The following CIT variants were observed in gnomAD, a reference collection of about 807,000 sequenced individuals.
CIT encodes citron rho-interacting serine/threonine kinase.
CIT carries 79 observed loss-of-function variants against 272.7 expected under a neutral mutation model. The observed-to-expected ratio is 0.29, with a 90% CI of 0.24 to 0.35. The LOEUF (loss-of-function observed/expected upper bound fraction) is 0.35. Among genes scored for constraint, CIT ranks in the 10% least tolerant of loss-of-function variants. The probability of loss-of-function intolerance (pLI) is 1.00; values close to 1 mark genes in which losing one functional copy is unlikely to be tolerated. For synonymous variants in CIT, 948 were observed against 995.6 expected (o/e 0.95, Z 0.90); for missense variants, 1,909 against 2,618.3 (o/e 0.73, Z 5.91).
rs1391231312 is a variant in CIT, at chr12:119,701,651, G to A, written c.5515C>T (p.Arg1839Ter). Residue 1839 changes from arginine to a stop codon, truncating the protein, a stop_gained, in exon 43 of 48, where the codon CGA becomes TGA. Transcript: ENST00000392521. LOFTEE classifies it high-confidence loss of function. The part of the protein sequence containing the change: ...SIVQVNSAGQ[R>*]EEYLLCFHEF... ...TGGAAACACAGCAAGTACTCCTCTC[G>A]CTGCCCTGCGCTGTTCACCTGCACG... is the stretch of plus-strand genomic sequence containing the variant. 2 of 1,614,142 alleles carry A rather than the reference G, an allele frequency of 1.2e-6. No homozygotes were observed.
intron 2 of CIT, among the ~76,000 whole-genome samples, chr12:119,874,812 G>A (rs1044141927): frequency 4.0e-5 from 6 of 151,486 alleles, no homozygotes; most frequent in Admixed American, 1.3e-4. Context: ...CGTGAACCCC[G>A]GGGGGCAGAG....
chr12:119,811,426 T>C (rs918109578), intron 9 of CIT, among the ~76,000 whole-genome samples: 3 of 152,234 alleles, frequency 2.0e-5, no homozygotes, highest in African/African-American at 7.2e-5. Context: ...TACTTCAGGG[T>C]AACATTGATT....
rs186859361 is a variant in CIT at position 119,827,562 on chromosome 12, C to G, written c.754-2194G>C. Among the ~76,000 whole-genome samples the G allele has an allele frequency of 4.6e-5, 7 of 152,076 alleles. No homozygotes were observed. In the East Asian group the frequency reaches 1.2e-3, roughly 25 times the overall value. Reference sequence around the variant, plus strand: ...AAGCAATTCTCTTGCCTCAGCCTCTCGAGTAACTGCGACTACAGGTGCATG... The same window carrying G: ...AAGCAATTCTCTTGCCTCAGCCTCTGGAGTAACTGCGACTACAGGTGCATG... On this transcript the variant is annotated intron_variant, in intron 7 of 47. Coordinates refer to ENST00000392521, the MANE Select transcript of CIT (RefSeq NM_001206999.2).
At chr12:119,795,528 A>G (rs951682789) in intron 10 of CIT, among the ~76,000 whole-genome samples, 9 of 152,238 alleles carry the variant, frequency 5.9e-5, no homozygotes, top group African/African-American at 2.2e-4. Flanking sequence ...TGCTGGGTCT[A>G]CATGAGAATG....
intron 10 of CIT, among the ~76,000 whole-genome samples, chr12:119,799,520 C>T (rs931836147): frequency 2.0e-5 from 3 of 152,170 alleles, no homozygotes; most frequent in African/African-American, 7.2e-5. Flanking sequence ...GGATCCATCG[C>T]TGTGTTTTCA....
intron 5 of CIT, among the ~76,000 whole-genome samples, chr12:119,835,140 C>A (rs757947354): frequency 2.0e-5 from 3 of 152,262 alleles, no homozygotes; most frequent in Non-Finnish European, 4.4e-5. Context: ...CCCCAAGGAA[C>A]TGAAATCCTT....
intron 2 of CIT, among the ~76,000 whole-genome samples, chr12:119,872,911 C>T (rs1950725731): frequency 6.6e-6 from 1 of 152,210 alleles, no homozygotes; most frequent in South Asian, 2.1e-4. Context: ...ATGCCCCCAC[C>T]TCAGCCTCCT....
chr12:119,692,965 C>T (rs1288749004), intron 46 of CIT, among the ~76,000 whole-genome samples: 1 of 152,052 alleles, frequency 6.6e-6, no homozygotes, highest in African/African-American at 2.4e-5. Context: ...ATCTGGAAGA[C>T]AAACAAAAAA....
In CIT at chr12:119,686,169, T is replaced by C. The variant is rs925176772; in HGVS notation, c.*2063A>G. On this transcript the variant is annotated 3_prime_UTR_variant, in exon 48 of 48. Transcript: ENST00000392521. ...TTACGAATATAAAGTTTCTTGTAAA[T>C]ATGTACAGTCTTTTGAGCTAGTTCT... 6.6e-6 allele frequency: 1 copy of C among 152,206 alleles called. No homozygotes were observed. Among genetic ancestry groups the C allele is most frequent in the African/African-American group, 2.4e-5 (1 of 41,338 alleles). 9.4% of individuals were successfully genotyped at this position (152,206 alleles called of 1,614,324 possible).
chr12:119,776,376 T>C lies in CIT; in HGVS notation c.1869A>G (p.Glu623=). ...AGTATACCTTCTCCAGTTTCGCATA[T>C]TCTCCCACTTCAGGCTTCCCTTGAT... ...AKDQGKPEVG[E]YAKLEKINAE... The change falls in exon 15 of 48, where the codon GAA becomes GAG. Residue 623 remains glutamate (E), a synonymous_variant. Coordinates refer to ENST00000392521, the MANE Select transcript of CIT (RefSeq NM_001206999.2). The C allele has an allele frequency of 1.2e-6, 2 of 1,613,802 alleles. No homozygotes were observed. The highest frequency in any genetic ancestry group is 1.7e-6 in the Non-Finnish European group (2 of 1,179,744).
At chr12:119,717,068 T>C (rs989995115) in intron 32 of CIT, among the ~76,000 whole-genome samples, 1 of 152,256 alleles carries the variant, frequency 6.6e-6, no homozygotes, top group African/African-American at 2.4e-5. Context: ...GTTTTTGTTT[T>C]TGAGACAGAG....
intron 10 of CIT, among the ~76,000 whole-genome samples, chr12:119,798,311 C>A (rs543979136): frequency 6.6e-6 from 1 of 152,130 alleles, no homozygotes; most frequent in East Asian, 1.9e-4. Flanking sequence ...ACCTGGGTAC[C>A]CCACACAAAT....
At chr12:119,731,842 T>TAC (rs1958473715) in intron 26 of CIT, among the ~76,000 whole-genome samples, 1 of 125,880 alleles carries the variant, frequency 7.9e-6, no homozygotes, top group African/African-American at 3.5e-5. Context: ...ATATATATAC[T>TAC]TTTTTTTTTT....
intron 10 of CIT, among the ~76,000 whole-genome samples, chr12:119,797,551 T>C (rs1965836127): frequency 6.6e-6 from 1 of 152,218 alleles, no homozygotes; most frequent in Non-Finnish European, 1.5e-5. Context: ...CAGAAGCTAG[T>C]TAAGGTTTTT....
chr12:119,717,414 C>CTTTTTTTTTTTT (rs765763044), intron 32 of CIT, among the ~76,000 whole-genome samples: 8 of 109,458 alleles, frequency 7.3e-5, no homozygotes, highest in African/African-American at 2.3e-4. Context: ...TTTTTCTTTT[C>CTTTTTTTTTTTT]TTTTCTTTTT....
intron 2 of CIT, among the ~76,000 whole-genome samples, chr12:119,872,313 C>G (rs1052172060): frequency 6.6e-6 from 1 of 151,976 alleles, no homozygotes; most frequent in Non-Finnish European, 1.5e-5. Flanking sequence ...CTCAGAAAGT[C>G]TGACAATCAC....
chr12:119,724,798 G>C (rs1162951645), intron 28 of CIT, among the ~76,000 whole-genome samples: 2 of 151,868 alleles, frequency 1.3e-5, no homozygotes, highest in African/African-American at 4.8e-5. Context: ...AATTAGCCGG[G>C]CGTGATAGCA....
intron 23 of CIT, among the ~76,000 whole-genome samples, chr12:119,748,070 GGGAGTATCACTCT>G (rs1171652388): frequency 2.0e-5 from 3 of 152,094 alleles, no homozygotes; most frequent in African/African-American, 7.2e-5. Context: ...AGGCTGAGGT[GGGAGTATCACTCT>G]TGAGCCTGGG....
intron 23 of CIT, among the ~76,000 whole-genome samples, chr12:119,745,346 T>C (rs1959203490): frequency 1.2e-4 from 2 of 17,174 alleles, no homozygotes; most frequent in African/African-American, 1.8e-4. Context: ...ATCTTCAAAG[T>C]GCTGAAATAA....
Sources: gnomAD v4.1 joint callset for allele counts (sites outside exome capture counted in the v4.1 genomes callset) on GRCh38, gnomAD v4.1.1 for gene constraint, MANE v1.5 for transcripts, NCBI Gene and HGNC (gene_info 2026-07-23, HGNC 2026-07-21) for gene names.